CMIP: variants seen among roughly 807,000 people sequenced by gnomAD.
CMIP encodes c-Maf inducing protein, also known as C-Maf-inducing protein.
In CMIP, 13 loss-of-function variants were observed where a neutral mutation model predicts 97.3. The ratio of observed to expected loss-of-function variants is 0.13; its 90% CI spans 0.09 to 0.21. CMIP has a LOEUF of 0.21. Among genes scored for constraint, CMIP ranks in the 10% least tolerant of loss-of-function variants. The pLI, the probability that CMIP is intolerant of heterozygous loss-of-function variation, is 1.00. For synonymous variants in CMIP, 538 were observed against 436.3 expected (o/e 1.23, Z -2.91); for missense variants, 847 against 1,024.9 (o/e 0.83, Z 2.37).
At position 81,621,008 on chromosome 16, in the gene CMIP, T is replaced by C. The variant is rs972434279; in HGVS notation, c.477+82T>C. On this transcript the variant is annotated intron_variant, in intron 3 of 20. Transcript: ENST00000537098. This position sits in a 1 kb window ranked among gnomAD's most constrained non-coding sequence, Gnocchi z 4.1. Reference sequence around the variant, plus strand: ...AAAGCCAATCTGTCACCCAGAGGCATGAAAGTGGAGAACTCATGCCTTCCA... The same window carrying C: ...AAAGCCAATCTGTCACCCAGAGGCACGAAAGTGGAGAACTCATGCCTTCCA... 3 of 1,563,646 alleles carry C rather than the reference T, an allele frequency of 1.9e-6. No homozygotes were observed. Among genetic ancestry groups the C allele is most frequent in the African/African-American group, 1.4e-5 (1 of 73,956 alleles).
At chr16:81,678,190 T>G in intron 9 of CMIP, 85 bp from the exon 10 acceptor site, 1 of 1,028,088 alleles carries the variant, frequency 9.7e-7, no homozygotes, top group Non-Finnish European at 1.4e-6. Context: ...CATCCTGGGA[T>G]TCAGGGAGGC....
intron 1 of CMIP, among the ~76,000 whole-genome samples, chr16:81,544,106 A>T (rs1320566867): frequency 6.6e-6 from 1 of 152,226 alleles, no homozygotes; most frequent in Admixed American, 6.5e-5. Context: ...GAGAGAAGGA[A>T]GGGCAAACGC....
intron 3 of CMIP, among the ~76,000 whole-genome samples, chr16:81,648,784 GAAAAAAAA>G (rs6145916): frequency 7.1e-4 from 54 of 75,696 alleles, no homozygotes; most frequent in African/African-American, 1.8e-3. Context: ...CTCTGTCTCA[GAAAAAAAA>G]AAAAAAAAAA....
chr16:81,584,024 T>C (rs778115613), intron 1 of CMIP, among the ~76,000 whole-genome samples: 25 of 152,042 alleles, frequency 1.6e-4, no homozygotes, highest in Non-Finnish European at 3.2e-4. Flanking sequence ...TGTGGAGGAA[T>C]TGAAGGGCAA....
rs1280660568 is a variant in CMIP, at chr16:81,693,192, T to A, written c.1481+8T>A. Reference sequence around the variant, plus strand: ...ACATGAGAAGTTCACCAAGTGAGTGTCTGGGCACCGCCCTCATTCCATTCT... The same window carrying A: ...ACATGAGAAGTTCACCAAGTGAGTGACTGGGCACCGCCCTCATTCCATTCT... On this transcript the variant is annotated splice_region_variant and intron_variant, in intron 12 of 20. Transcript: ENST00000537098. 6.2e-7 allele frequency: 1 copy of A among 1,611,446 alleles called. No individual in the cohort carries two copies. Among genetic ancestry groups the A allele is most frequent in the Non-Finnish European group, 8.5e-7 (1 of 1,178,114 alleles).
At chr16:81,454,826 T>C (rs1906448164) in intron 1 of CMIP, among the ~76,000 whole-genome samples, 1 of 152,174 alleles carries the variant, frequency 6.6e-6, no homozygotes, top group Admixed American at 6.5e-5. Flanking sequence ...GTGGGGAGTT[T>C]CAGGAAGGAC....
chr16:81,486,525 G>C (rs1019456023), intron 1 of CMIP, among the ~76,000 whole-genome samples: 1 of 152,164 alleles, frequency 6.6e-6, no homozygotes. Context: ...GCCCAGGGCC[G>C]GGCCACTTTG....
At chr16:81,476,511 G>A (rs1156739807) in intron 1 of CMIP, 7 of 685,974 alleles carry the variant, frequency 1.0e-5, no homozygotes, top group Admixed American at 1.8e-5. Context: ...ACACAGTGGG[G>A]TTGACCATGG....
At chr16:81,470,989 TAC>T (rs976365540) in intron 1 of CMIP, among the ~76,000 whole-genome samples, 13 of 151,560 alleles carry the variant, frequency 8.6e-5, no homozygotes, top group African/African-American at 2.9e-4. Flanking sequence ...CAAACGTGCA[TAC>T]ACACATGCAC....
chr16:81,451,746 T>A (rs1460531850), intron 1 of CMIP, among the ~76,000 whole-genome samples: 1 of 152,158 alleles, frequency 6.6e-6, no homozygotes, highest in Non-Finnish European at 1.5e-5. Context: ...TGCGCTGACT[T>A]CCACCCACAG....
At chr16:81,692,850 G>A (rs763707996) in intron 11 of CMIP, among the ~76,000 whole-genome samples, 3 of 152,162 alleles carry the variant, frequency 2.0e-5, no homozygotes, top group Admixed American at 6.5e-5. Flanking sequence ...CTGGGTCTCC[G>A]GAGCCCACAT....
At chr16:81,595,821 C>T (rs1022590395) in intron 1 of CMIP, among the ~76,000 whole-genome samples, 1 of 152,056 alleles carries the variant, frequency 6.6e-6, no homozygotes, top group Non-Finnish European at 1.5e-5. Context: ...TGTTTTGGTT[C>T]TTATGAGTCA....
chr16:81,481,817 G>C (rs946437385), intron 1 of CMIP, among the ~76,000 whole-genome samples: 8 of 151,754 alleles, frequency 5.3e-5, no homozygotes. Flanking sequence ...CCTCGTGGCA[G>C]CATCACTCCA....
At chr16:81,524,591 C>T (rs2090091677) in intron 1 of CMIP, among the ~76,000 whole-genome samples, 2 of 152,160 alleles carry the variant, frequency 1.3e-5, no homozygotes, top group Admixed American at 1.3e-4. Context: ...CCATCACGGC[C>T]CTCATTTTGC....
chr16:81,538,292 A>G (rs2090384792), intron 1 of CMIP, among the ~76,000 whole-genome samples: 1 of 152,184 alleles, frequency 6.6e-6, no homozygotes, highest in Non-Finnish European at 1.5e-5. Context: ...GACACTTAAG[A>G]CATAGGCGGC....
At chr16:81,665,420 T>C (rs760733627) in intron 7 of CMIP, 1 of 152,146 alleles carries the variant, frequency 6.6e-6, no homozygotes, top group Non-Finnish European at 1.5e-5. Flanking sequence ...TGTATTGTGT[T>C]ATTAACCCTC....
chr16:81,603,399 TA>T (rs1161670116), intron 1 of CMIP: 1 of 454,426 alleles, frequency 2.2e-6, no homozygotes. Context: ...TGTTTTTAAA[TA>T]AACATTTTCT....
In CMIP at chr16:81,696,856, A is replaced by G. The variant is rs897567581; in HGVS notation, c.1638+189A>G. 1.1e-5 allele frequency: 7 copies of G among 613,172 alleles called. No individual in the cohort carries two copies. The Admixed American group carries it at 2.1e-4, about 19-fold the overall frequency. The allele number at this position is 613,172 out of a possible 1,614,324, so 38.0% of individuals were successfully genotyped here. A position where few individuals can be genotyped will look rare whatever the true frequency, so the allele number is the denominator to read the frequency against. ...CGTGACTGTCACTTACTCATTTCTT[A>G]TCTGAGGCTCCAAGCCAAGCACTTG... On this transcript the variant is annotated intron_variant, in intron 14 of 20. Transcript: ENST00000537098.
chr16:81,692,749 A>T (rs915827299), intron 11 of CMIP, among the ~76,000 whole-genome samples: 2 of 152,158 alleles, frequency 1.3e-5, no homozygotes, highest in African/African-American at 2.4e-5. Context: ...TGGCTGTGGC[A>T]ACTGTCTTAG....
Sources: gnomAD v4.1 joint callset for allele counts (sites outside exome capture counted in the v4.1 genomes callset) on GRCh38, gnomAD v4.1.1 for gene constraint, Gnocchi (gnomAD v3.1) non-coding constraint, MANE v1.5 for transcripts, NCBI Gene and HGNC (gene_info 2026-07-23, HGNC 2026-07-21) for gene names.